BBS9: variants seen among roughly 807,000 people sequenced by gnomAD.
BBS9 encodes the protein protein PTHB1.
In BBS9, 89 loss-of-function variants were observed where a neutral mutation model predicts 117.7. The observed-to-expected ratio is 0.76, with a 90% CI of 0.64 to 0.90. The LOEUF (loss-of-function observed/expected upper bound fraction) is 0.90, where lower values mean the gene tolerates loss of function less well. Among genes scored for constraint, BBS9 ranks in the 40% least tolerant of loss-of-function variants. BBS9 has a pLI of 0.00. For missense variants in BBS9, 982 were observed against 1,042.2 expected (o/e 0.94, Z 0.80); for synonymous variants, 379 against 370.9 (o/e 1.02, Z -0.25).
At chr7:33,494,460 T>C (rs891448855) in intron 19 of BBS9, among the ~76,000 whole-genome samples, 1 of 152,222 alleles carries the variant, frequency 6.6e-6, no homozygotes, top group African/African-American at 2.4e-5. Flanking sequence ...CTTGAATGAA[T>C]TTAGGAATTC....
At chr7:33,289,856 A>G (rs1381636401) in intron 9 of BBS9, among the ~76,000 whole-genome samples, 1 of 152,120 alleles carries the variant, frequency 6.6e-6, no homozygotes, top group Non-Finnish European at 1.5e-5. Flanking sequence ...ATCCTGGCCA[A>G]CATGATGAAA....
intron 9 of BBS9, among the ~76,000 whole-genome samples, chr7:33,282,810 A>G (rs1275179826): frequency 6.6e-6 from 1 of 152,224 alleles, no homozygotes; most frequent in Non-Finnish European, 1.5e-5. Context: ...TCTAAACAAG[A>G]ATAGAAAAAA....
intron 5 of BBS9, among the ~76,000 whole-genome samples, chr7:33,182,036 G>T (rs1014781389): frequency 6.6e-6 from 1 of 152,122 alleles, no homozygotes; most frequent in Non-Finnish European, 1.5e-5. Flanking sequence ...GCAGTGAGCC[G>T]AGATCGCACC....
At chr7:33,472,503 C>A (rs1029601311) in intron 19 of BBS9, among the ~76,000 whole-genome samples, 1 of 152,016 alleles carries the variant, frequency 6.6e-6, no homozygotes, top group African/African-American at 2.4e-5. Flanking sequence ...AGCTTGAAGC[C>A]GGGTGACTGC....
In BBS9 at chr7:33,595,571, T is replaced by G. The variant is rs551000910; in HGVS notation, c.2522-9294T>G. Among the ~76,000 whole-genome samples the G allele has an allele frequency of 2.6e-5, 4 of 152,244 alleles. No homozygotes were observed. In the South Asian group the frequency reaches 8.3e-4, roughly 32 times the overall value. ...TGAGGCTGTGGAGAAATAGGAACAC[T>G]TTTACACTGTCGGTGGGAATGTAAA... On this transcript the variant is annotated intron_variant, in intron 21 of 22. Coordinates refer to ENST00000242067, the MANE Select transcript of BBS9 (RefSeq NM_198428.3).
At chr7:33,568,827 T>C (rs7793610) in intron 21 of BBS9, among the ~76,000 whole-genome samples, 2,998 of 152,274 alleles carry the variant, frequency 0.02, 97 homozygotes, top group African/African-American at 0.068. Flanking sequence ...TGTATTTATT[T>C]GTGTAAAAGA....
intron 17 of BBS9, among the ~76,000 whole-genome samples, chr7:33,368,901 T>C (rs1822330509): frequency 6.6e-6 from 1 of 152,126 alleles, no homozygotes; most frequent in Non-Finnish European, 1.5e-5. Context: ...TCAGATACTA[T>C]TGAAGACTCA....
chr7:33,145,632 C>T (rs994971503), intron 1 of BBS9, among the ~76,000 whole-genome samples: 1 of 152,182 alleles, frequency 6.6e-6, no homozygotes, highest in African/African-American at 2.4e-5. Context: ...TCATTTGTCT[C>T]AGCAACTCTT....
At chr7:33,472,545 G>A (rs1841192585) in intron 19 of BBS9, among the ~76,000 whole-genome samples, 1 of 152,170 alleles carries the variant, frequency 6.6e-6, no homozygotes, top group South Asian at 2.1e-4. Context: ...CATGATGGTA[G>A]ATAACATGGA....
chr7:33,311,727 T>C (rs556411836), intron 9 of BBS9, among the ~76,000 whole-genome samples: 48 of 151,898 alleles, frequency 3.2e-4, no homozygotes, highest in East Asian at 1.8e-3. Context: ...TGAGACAGGA[T>C]AATCGCTTGA....
chr7:33,338,502 G>T (rs1261045196), intron 10 of BBS9, among the ~76,000 whole-genome samples: 1 of 152,124 alleles, frequency 6.6e-6, no homozygotes, highest in Non-Finnish European at 1.5e-5. Flanking sequence ...TGTGGGTTAT[G>T]TTCAGTACTT....
intron 19 of BBS9, among the ~76,000 whole-genome samples, chr7:33,407,315 T>C (rs1830209745): frequency 6.6e-6 from 1 of 152,202 alleles, no homozygotes; most frequent in African/African-American, 2.4e-5. Context: ...CTGTATTGGT[T>C]ATTCTAGTTA....
intron 21 of BBS9, among the ~76,000 whole-genome samples, chr7:33,625,180 G>T (rs1585499967): frequency 6.6e-6 from 1 of 151,930 alleles, no homozygotes; most frequent in African/African-American, 2.4e-5. Context: ...TAGTACCTTG[G>T]GTCCTATTCT....
At chr7:33,208,768 C>G (rs924943217) in intron 5 of BBS9, among the ~76,000 whole-genome samples, 151 of 151,108 alleles carry the variant, frequency 1.0e-3, no homozygotes, top group African/African-American at 3.4e-3. Context: ...AGTGGGTGAC[C>G]ACTATTATTT....
At chr7:33,192,709 T>C (rs1784325364) in intron 5 of BBS9, among the ~76,000 whole-genome samples, 1 of 152,224 alleles carries the variant, frequency 6.6e-6, no homozygotes, top group Non-Finnish European at 1.5e-5. Context: ...GACATTTATT[T>C]CTCACAGGTC....
At chr7:33,610,607 C>A (rs139478791), downstream of BBS9, among the ~76,000 whole-genome samples, 2,990 of 152,138 alleles carry the variant, frequency 0.02, 66 homozygotes, top group South Asian at 0.11. Context: ...GGGCAGAGCC[C>A]CCATGGCCTA....
chr7:33,183,930 A>G (rs1408297167), intron 5 of BBS9, among the ~76,000 whole-genome samples: 1 of 152,162 alleles, frequency 6.6e-6, no homozygotes, highest in Non-Finnish European at 1.5e-5. Context: ...GCCCATGTTC[A>G]ATCTTAAGGT....
Position 33,368,824 on chromosome 7 carries a change from C to T in BBS9, c.1789+962C>T, listed in dbSNP as rs34947539. Among the ~76,000 whole-genome samples, 827 of 152,118 alleles carry T rather than the reference C, an allele frequency of 5.4e-3. 3 individuals carry two copies. The highest frequency in any genetic ancestry group is 8.7e-3 in the Non-Finnish European group (590 of 67,970). On this transcript the variant is annotated intron_variant, in intron 17 of 22. Transcript: ENST00000242067. ...CAGACATCCCATTTAGAAACTGTAA[C>T]AATGTTTTTATGGCTAAAATCATAA...
At chr7:33,373,902 C>T (rs1179089086) in intron 17 of BBS9, among the ~76,000 whole-genome samples, 1 of 152,096 alleles carries the variant, frequency 6.6e-6, no homozygotes, top group Non-Finnish European at 1.5e-5. Flanking sequence ...CAAAAGAAAT[C>T]ATATGTCATC....
Sources: gnomAD v4.1 joint callset for allele counts (sites outside exome capture counted in the v4.1 genomes callset) on GRCh38, gnomAD v4.1.1 for gene constraint, MANE v1.5 for transcripts, NCBI Gene and HGNC (gene_info 2026-07-23, HGNC 2026-07-21) for gene names.